Variants in KPNA3 observed in about 807,000 individuals in gnomAD.
KPNA3 encodes the protein importin subunit alpha-4.
A neutral mutation model predicts 73.8 loss-of-function variants in KPNA3; 13 were observed. The observed-to-expected ratio is 0.18, with a 90% confidence interval of 0.11 to 0.28. KPNA3 has a LOEUF of 0.28. KPNA3 is among the 10% of genes least tolerant of loss of function. KPNA3 has a pLI of 1.00. For synonymous variants in KPNA3, 186 were observed against 206.9 expected (o/e 0.90, Z 0.87); for missense variants, 360 against 618.1 (o/e 0.58, Z 4.43).
At chr13:49,756,221 T>G (rs1594452152) in intron 1 of KPNA3, among the ~76,000 whole-genome samples, 1 of 151,912 alleles carries the variant, frequency 6.6e-6, no homozygotes, top group Admixed American at 6.5e-5. Context: ...CTGCAGTAAG[T>G]GGAGACTGTG....
At chr13:49,783,581 G>A (rs1004271282) in intron 1 of KPNA3, among the ~76,000 whole-genome samples, 1 of 152,106 alleles carries the variant, frequency 6.6e-6, no homozygotes, top group African/African-American at 2.4e-5. Flanking sequence ...CAGCCAAACC[G>A]TATGCTAACT....
At chr13:49,712,833 T>C (rs572882581) in intron 10 of KPNA3, among the ~76,000 whole-genome samples, 1 of 151,376 alleles carries the variant, frequency 6.6e-6, no homozygotes, top group African/African-American at 2.4e-5. Context: ...AAATACAAAC[T>C]TCCCCAAATA....
Position 49,710,984 on chromosome 13 carries a change from T to C in KPNA3, c.810A>G (p.Thr270=), listed in dbSNP as rs754920815. The C allele has an allele frequency of 5.9e-5, 95 of 1,613,384 alleles. No homozygotes were observed. Among genetic ancestry groups the C allele is most frequent in the Non-Finnish European group, 8.0e-5 (94 of 1,179,620 alleles). ...TCTGTATCTGTTCATTACCTCCATCTGTCAAGTATGACAGAGCCCAAACAG... is the reference window on the plus strand; with the variant it reads ...TCTGTATCTGTTCATTACCTCCATCCGTCAAGTATGACAGAGCCCAAACAG... The part of the protein sequence containing the change: ...VDTVWALSYL[T]DGGNEQIQMV... The change falls in exon 11 of 17, where the codon ACA becomes ACG. Residue 270 remains threonine (T), a synonymous_variant. Coordinates refer to ENST00000261667, the MANE Select transcript of KPNA3 (RefSeq NM_002267.4).
chr13:49,703,196 T>C (rs1029469523), intron 15 of KPNA3, among the ~76,000 whole-genome samples: 21 of 144,274 alleles, frequency 1.5e-4, no homozygotes, highest in Non-Finnish European at 2.9e-4. Flanking sequence ...TTTTTTTTTT[T>C]TTTTTGAGAC....
In KPNA3 at chr13:49,699,913, A is replaced by G. The variant is rs886111928; in HGVS notation, c.*1887T>C. On this transcript the variant is annotated 3_prime_UTR_variant, in exon 17 of 17. Coordinates refer to ENST00000261667, the MANE Select transcript of KPNA3 (RefSeq NM_002267.4). The stretch of plus-strand genomic sequence containing the variant: ...AGTGTCCGAACAGGATGCAGTTACC[A>G]TATGAAGCTTTAACTCAAAATTTGG... 1 of 152,592 alleles carries G rather than the reference A, an allele frequency of 6.6e-6. No homozygotes were observed. Among genetic ancestry groups the G allele is most frequent in the Admixed American group, 6.5e-5 (1 of 15,278 alleles). The allele number at this position is 152,592 out of a possible 1,614,324, so 9.5% of individuals were successfully genotyped here.
intron 10 of KPNA3, among the ~76,000 whole-genome samples, chr13:49,717,011 C>T (rs955779010): frequency 6.6e-6 from 1 of 152,112 alleles, no homozygotes; most frequent in Non-Finnish European, 1.5e-5. Context: ...AAAGTTTTTT[C>T]TCCCTTAACG....
chr13:49,720,352 T>A (rs1455555066), intron 9 of KPNA3, among the ~76,000 whole-genome samples: 1 of 152,058 alleles, frequency 6.6e-6, no homozygotes, highest in Non-Finnish European at 1.5e-5. Context: ...GCCCCAGAGA[T>A]CTCTTTTTAA....
Position 49,699,492 on chromosome 13 carries a change from G to A in KPNA3, c.*2308C>T, listed in dbSNP as rs1042988930. On this transcript the variant is annotated 3_prime_UTR_variant, in exon 17 of 17. Coordinates refer to ENST00000261667, the MANE Select transcript of KPNA3 (RefSeq NM_002267.4). ...AACACTGTTTTGAAAACTTAAAAGT[G>A]CAGCAATATACTTAGTTTCCTTTAT... The A allele has an allele frequency of 6.6e-6, 1 of 152,528 alleles. No individual in the cohort carries two copies. The highest frequency in any genetic ancestry group is 1.5e-5 in the Non-Finnish European group (1 of 68,016). The allele number at this position is 152,528 out of a possible 1,614,324, so 9.4% of individuals were successfully genotyped here. A position where few individuals can be genotyped will look rare whatever the true frequency, so the allele number is the denominator to read the frequency against.
At chr13:49,725,331 C>T (rs1954399265) in intron 7 of KPNA3, 85 bp downstream of exon 7, 1 of 610,870 alleles carries the variant, frequency 1.6e-6, no homozygotes, top group South Asian at 3.0e-5. Flanking sequence ...AAAAATGTTA[C>T]AAGATAAAAT....
chr13:49,784,195 G>A (rs1954963038), intron 1 of KPNA3, among the ~76,000 whole-genome samples: 1 of 152,062 alleles, frequency 6.6e-6, no homozygotes, highest in African/African-American at 2.4e-5. Context: ...CTGCACTCCA[G>A]CCCAGGTAAC....
chr13:49,755,593 A>G (rs565832126), intron 1 of KPNA3, among the ~76,000 whole-genome samples: 195 of 152,182 alleles, frequency 1.3e-3, no homozygotes, highest in Middle Eastern at 3.4e-3. Flanking sequence ...TCAAGAGATC[A>G]AGACCATCTG....
chr13:49,780,965 C>G (rs577148986), intron 1 of KPNA3, among the ~76,000 whole-genome samples: 1 of 152,144 alleles, frequency 6.6e-6, no homozygotes, highest in Admixed American at 6.5e-5. Context: ...AGGTGATCCA[C>G]CTGCCTCAAC....
rs1004940584 is a variant in KPNA3, at chr13:49,724,609, T to C, written c.469+807A>G. Among the ~76,000 whole-genome samples, 8 of 151,490 alleles carry C rather than the reference T, an allele frequency of 5.3e-5. No homozygotes were observed. In the South Asian group the frequency reaches 1.3e-3, roughly 24 times the overall value. ...GGCTTGAGCCACTGCACCCAGCCTT[T>C]GTTTTTGAGATAGGGTCTCACTCTG... On this transcript the variant is annotated intron_variant, in intron 7 of 16. Transcript: ENST00000261667.
At chr13:49,736,869 C>T (rs1334078171) in intron 2 of KPNA3, among the ~76,000 whole-genome samples, 1 of 152,172 alleles carries the variant, frequency 6.6e-6, no homozygotes, top group Non-Finnish European at 1.5e-5. Flanking sequence ...CAACTACTAA[C>T]CTGTCTTCCA....
chr13:49,772,453 C>A (rs1954863196), intron 1 of KPNA3, among the ~76,000 whole-genome samples: 1 of 152,158 alleles, frequency 6.6e-6, no homozygotes, highest in East Asian at 1.9e-4. Flanking sequence ...AGAATTCTCG[C>A]ACTGTTGGTG....
intron 10 of KPNA3, among the ~76,000 whole-genome samples, chr13:49,716,370 T>C (rs2137539735): frequency 6.6e-6 from 1 of 152,332 alleles, no homozygotes; most frequent in Non-Finnish European, 1.5e-5. Flanking sequence ...CTAGAACCTA[T>C]TAAATCTCTG....
intron 1 of KPNA3, among the ~76,000 whole-genome samples, chr13:49,789,031 T>C (rs558256187): frequency 6.2e-4 from 94 of 152,160 alleles, no homozygotes; most frequent in Non-Finnish European, 1.8e-4. Context: ...TTTGGAAAAC[T>C]CTTCTTTGCA....
intron 1 of KPNA3, among the ~76,000 whole-genome samples, chr13:49,750,293 C>T (rs1594449437): frequency 6.6e-6 from 1 of 152,150 alleles, no homozygotes; most frequent in Admixed American, 6.5e-5. Flanking sequence ...TAAGTACCTA[C>T]ATCATGCTCT....
chr13:49,787,488 T>G (rs1288703667), intron 1 of KPNA3, among the ~76,000 whole-genome samples: 2 of 152,064 alleles, frequency 1.3e-5, no homozygotes, highest in Non-Finnish European at 2.9e-5. Context: ...TAAGCAAGAG[T>G]TCTAGCTTTA....
Sources: gnomAD v4.1 joint callset for allele counts (sites outside exome capture counted in the v4.1 genomes callset) on GRCh38, gnomAD v4.1.1 for gene constraint, MANE v1.5 for transcripts, NCBI Gene and HGNC (gene_info 2026-07-23, HGNC 2026-07-21) for gene names.